LRP1B: variants seen among roughly 807,000 people sequenced by gnomAD.
The protein encoded by LRP1B is LDL receptor related protein 1B.
Under a neutral mutation model 556.6 loss-of-function variants are expected in LRP1B, and 217 were observed. That is an observed-to-expected ratio of 0.39 (90% CI 0.35 to 0.44). LRP1B has a LOEUF of 0.44. Among genes scored for constraint, LRP1B ranks in the 20% least tolerant of loss-of-function variants. The probability of loss-of-function intolerance (pLI) is 1.00; values close to 1 mark genes in which losing one functional copy is unlikely to be tolerated. For missense variants in LRP1B, 5,053 were observed against 5,620.8 expected, an observed-to-expected ratio of 0.90 and a Z score of 3.23; for synonymous variants, 2,047 against 1,865.8, an observed-to-expected ratio of 1.10 and a Z score of -2.50.
intron 3 of LRP1B, among the ~76,000 whole-genome samples, chr2:141,329,150 G>A (rs1225026638): frequency 6.6e-6 from 1 of 152,122 alleles, no homozygotes; most frequent in Middle Eastern, 3.2e-3. Context: ...CACTTTGGGA[G>A]GCCGAGGTGG....
intron 7 of LRP1B, among the ~76,000 whole-genome samples, chr2:141,157,277 G>T (rs1249453): frequency 0.84 from 127,094 of 151,980 alleles, 53,686 homozygotes; most frequent in East Asian, 0.91. Context: ...ATATGAACAG[G>T]TTTTTCTGGA....
At chr2:140,962,084 G>T (rs763621885) in intron 18 of LRP1B, among the ~76,000 whole-genome samples, 47 of 152,126 alleles carry the variant, frequency 3.1e-4, no homozygotes, top group Non-Finnish European at 2.8e-4. Context: ...AATAGCAATA[G>T]AAATTGAATA....
intron 66 of LRP1B, among the ~76,000 whole-genome samples, chr2:140,394,141 T>TC (rs1323899515): frequency 6.6e-6 from 1 of 151,292 alleles, no homozygotes; most frequent in African/African-American, 2.4e-5. Flanking sequence ...TTTTTTTTTT[T>TC]TTTTGGTGCA....
intron 7 of LRP1B, among the ~76,000 whole-genome samples, chr2:141,072,665 C>T (rs1699679971): frequency 1.3e-5 from 2 of 152,000 alleles, no homozygotes; most frequent in Non-Finnish European, 2.9e-5. Context: ...ACTCTCTCAA[C>T]TTTCTCACCA....
At chr2:140,351,164 G>T in intron 76 of LRP1B, 126 bp from the exon 77 acceptor site, 1 of 610,980 alleles carries the variant, frequency 1.6e-6, no homozygotes, top group Non-Finnish European at 2.7e-6. Flanking sequence ...AAATCAACCA[G>T]TTTTATATTG....
chr2:140,493,787 A>G (rs1688803172), intron 56 of LRP1B, among the ~76,000 whole-genome samples: 2 of 152,302 alleles, frequency 1.3e-5, no homozygotes, highest in South Asian at 2.1e-4. Context: ...TGTAATTAAT[A>G]TGTAATACCA....
At chr2:141,431,216 C>T (rs545287254) in intron 3 of LRP1B, among the ~76,000 whole-genome samples, 2 of 136,198 alleles carry the variant, frequency 1.5e-5, no homozygotes, top group Admixed American at 1.5e-4. Context: ...ATCATATCAG[C>T]CCTCAAAAGT....
rs16845418 is a variant in LRP1B, at chr2:141,101,462, C to T, written c.1014-39189G>A. 7.5e-3 allele frequency among the ~76,000 whole-genome samples: 1,137 copies of T among 152,106 alleles called. 15 individuals are homozygous for T. Among genetic ancestry groups the T allele is most frequent in the African/African-American group, 0.026 (1,089 of 41,514 alleles). ...GTTTTAGTTTAATAACATAGGGTAA[C>T]TGAGAAAAGCATAGGATCTTCCTAA... On this transcript the variant is annotated intron_variant, in intron 7 of 90. Coordinates refer to ENST00000389484, the MANE Select transcript of LRP1B (RefSeq NM_018557.3).
intron 23 of LRP1B, among the ~76,000 whole-genome samples, chr2:140,894,859 C>T (rs776453768): frequency 4.6e-5 from 7 of 151,778 alleles, no homozygotes; most frequent in Non-Finnish European, 8.8e-5. Flanking sequence ...ACGAGAATCA[C>T]TTGAACCTGG....
At chr2:140,268,321 T>A (rs1682301866) in intron 86 of LRP1B, among the ~76,000 whole-genome samples, 1 of 152,022 alleles carries the variant, frequency 6.6e-6, no homozygotes, top group African/African-American at 2.4e-5. Flanking sequence ...CCTTTTGATG[T>A]AGAGTCCCTG....
chr2:140,432,275 A>G (rs1685982380), intron 66 of LRP1B, among the ~76,000 whole-genome samples: 1 of 151,890 alleles, frequency 6.6e-6, no homozygotes, highest in Non-Finnish European at 1.5e-5. Flanking sequence ...ATCTTATAAA[A>G]CAGACCCACC....
rs1699997627 is a variant in LRP1B, at chr2:141,084,425, A to G, written c.1014-22152T>C. ...ATTTAAAAGCATTTTTATTGCACTG[A>G]CAATGTATGTTAAATTGAAAGTGTA... On this transcript the variant is annotated intron_variant, in intron 7 of 90. Coordinates refer to ENST00000389484, the MANE Select transcript of LRP1B (RefSeq NM_018557.3). Among the ~76,000 whole-genome samples, 2 of 152,180 alleles carry G rather than the reference A, an allele frequency of 1.3e-5. 1 individual carries two copies. Among genetic ancestry groups the G allele is most frequent in the South Asian group, 4.1e-4 (2 of 4,830 alleles).
rs1454009854 is a variant in LRP1B at position 140,512,034 on chromosome 2, A to G, written c.8270-1978T>C. ...TTTTTAACTGCATTTTTTTCTCTTA[A>G]GGAAGTTTTGATAAATGTAAAATTT... On this transcript the variant is annotated intron_variant, in intron 51 of 90. Transcript: ENST00000389484. Among the ~76,000 whole-genome samples, 96 of 152,044 alleles carry G rather than the reference A, an allele frequency of 6.3e-4. 1 individual carries two copies. Among genetic ancestry groups the G allele is most frequent in the Admixed American group, 6.3e-3 (96 of 15,268 alleles).
At chr2:141,610,452 A>T (rs186439283) in intron 2 of LRP1B, among the ~76,000 whole-genome samples, 1 of 151,988 alleles carries the variant, frequency 6.6e-6, no homozygotes, top group Admixed American at 6.6e-5. Context: ...GTTTGCTCAA[A>T]TTGCTCTCTC....
chr2:141,286,711 C>A, intron 3 of LRP1B: 1 of 445,304 alleles, frequency 2.2e-6, no homozygotes, highest in Non-Finnish European at 4.5e-6. Context: ...GTTAGTTTTG[C>A]TAAATCATAT....
intron 43 of LRP1B, among the ~76,000 whole-genome samples, chr2:140,574,895 T>TA (rs1294355599): frequency 6.6e-6 from 1 of 152,204 alleles, no homozygotes; most frequent in African/African-American, 2.4e-5. Flanking sequence ...TAATATGTGA[T>TA]AAAAAAGAAA....
chr2:141,006,716 T>C lies in LRP1B; in HGVS notation c.2381-1259A>G, dbSNP rs146876205. Among the ~76,000 whole-genome samples the C allele has an allele frequency of 2.9e-3, 437 of 152,112 alleles. 5 individuals are homozygous for C. Among genetic ancestry groups the C allele is most frequent in the African/African-American group, 9.5e-3 (394 of 41,534 alleles). ...AGTGACCACTTTTCAAACACAGTGC[T>C]AAAAAATTTTATACCTATATATCAT... On this transcript the variant is annotated intron_variant, in intron 14 of 90. Coordinates refer to ENST00000389484, the MANE Select transcript of LRP1B (RefSeq NM_018557.3).
chr2:141,474,016 CTTCCTTCCTTCCTTCCTTCCTTCCTTCCT>C lies in LRP1B; in HGVS notation c.343+6351_343+6379del, dbSNP rs1341716600. On this transcript the variant is annotated intron_variant, in intron 3 of 90. Coordinates refer to ENST00000389484, the MANE Select transcript of LRP1B (RefSeq NM_018557.3). Reference sequence around the variant, plus strand: ...CTTTACTAAATTCCTTCCTTCCTTCCTTCCTTCCTTCCTTCCTTCCTTCCTTCCTTTCCTTCCTTCCTCCCTCCCTCCCT... The same window carrying C: ...CTTTACTAAATTCCTTCCTTCCTTCCTTCCTTCCTTCCTCCCTCCCTCCCT... Among the ~76,000 whole-genome samples, 923 of 104,260 alleles carry C rather than the reference CTTCCTTCCTTCCTTCCTTCCTTCCTTCCT, an allele frequency of 8.9e-3. 8 individuals are homozygous for C. The highest frequency in any genetic ancestry group is 0.032 in the African/African-American group (834 of 26,084). The allele number at this position is 104,260 out of a possible 152,430, so 68.4% of individuals were successfully genotyped here.
chr2:141,275,595 G>A (rs2105376399), intron 3 of LRP1B, among the ~76,000 whole-genome samples: 1 of 152,068 alleles, frequency 6.6e-6, no homozygotes, highest in East Asian at 1.9e-4. Flanking sequence ...CTGTAGTCTT[G>A]ACTACTATTT....
Sources: allele counts gnomAD v4.1 joint callset (sites outside exome capture counted in the v4.1 genomes callset), GRCh38; gene constraint gnomAD v4.1.1; transcripts MANE v1.5; gene names NCBI Gene and HGNC (gene_info 2026-07-23, HGNC 2026-07-21).